The following ELP4 variants were observed in gnomAD, a reference collection of about 807,000 sequenced individuals.
ELP4 encodes elongator complex protein 4.
In ELP4, 51 loss-of-function variants were observed where a neutral mutation model predicts 48.9. The observed-to-expected ratio is 1.04, with a 90% CI of 0.83 to 1.32. The LOEUF is 1.32. Among genes scored for constraint, ELP4 ranks in the 40% most tolerant of loss-of-function variants. The probability of loss-of-function intolerance (pLI) is 0.00; values close to 1 mark genes in which losing one functional copy is unlikely to be tolerated. For synonymous variants in ELP4, 210 were observed against 189.2 expected (o/e 1.11, Z -0.90); for missense variants, 519 against 514.6 (o/e 1.01, Z -0.08).
rs982043954 is a variant in ELP4, at chr11:31,676,044, C to T, written c.1143+25823C>T. The stretch of plus-strand genomic sequence containing the variant: ...AACTCTGTGTTGATTCTTCATCTCA[C>T]TCAGAAGTCCTTAAGTGACCACCAA... On this transcript the variant is annotated intron_variant, in intron 9 of 9. Transcript: ENST00000640961. Among the ~76,000 whole-genome samples, 6 of 152,014 alleles carry T rather than the reference C, an allele frequency of 3.9e-5. 1 individual carries two copies. Among genetic ancestry groups the T allele is most frequent in the Admixed American group, 3.3e-4 (5 of 15,266 alleles).
intron 9 of ELP4, among the ~76,000 whole-genome samples, chr11:31,782,220 A>G (rs1425876165): frequency 6.6e-6 from 1 of 152,270 alleles, no homozygotes; most frequent in East Asian, 1.9e-4. Context: ...CATGACAATA[A>G]AAAGCCTTTA....
At chr11:31,742,128 C>G (rs1339120014) in intron 9 of ELP4, among the ~76,000 whole-genome samples, 1 of 152,070 alleles carries the variant, frequency 6.6e-6, no homozygotes, top group Non-Finnish European at 1.5e-5. Flanking sequence ...ATGCGATTAA[C>G]TGGAAGAAAG....
At chr11:31,629,264 A>G (rs1944810017) in intron 6 of ELP4, among the ~76,000 whole-genome samples, 3 of 152,038 alleles carry the variant, frequency 2.0e-5, no homozygotes, top group Admixed American at 2.0e-4. Flanking sequence ...TTCTCGTAGG[A>G]ATAAAACTAT....
chr11:31,550,743 G>A (rs1361412744), intron 3 of ELP4, among the ~76,000 whole-genome samples: 3 of 152,172 alleles, frequency 2.0e-5, no homozygotes, highest in Non-Finnish European at 4.4e-5. Flanking sequence ...ATGCCTCACT[G>A]ATGAAGATTT....
Position 31,729,302 on chromosome 11 carries a change from G to T in ELP4, c.1144-54091G>T, listed in dbSNP as rs113732244. Among the ~76,000 whole-genome samples the T allele has an allele frequency of 1.2e-3, 176 of 152,210 alleles. 1 individual carries two copies. The highest frequency in any genetic ancestry group is 0.01 in the Middle Eastern group (3 of 294). On this transcript the variant is annotated intron_variant, in intron 9 of 9. Transcript: ENST00000640961. ...AAGCTCTATGGTCTCTGAACAGATT[G>T]TTTCCGCAATTAGTATCTATGTACT...
chr11:31,685,988 C>T (rs972894930), intron 9 of ELP4, among the ~76,000 whole-genome samples: 2 of 151,264 alleles, frequency 1.3e-5, no homozygotes, highest in African/African-American at 2.4e-5. Flanking sequence ...CACATTAATA[C>T]GTTTATGTAT....
At chr11:31,772,946 C>T (rs75269851) in intron 9 of ELP4, among the ~76,000 whole-genome samples, 3,276 of 152,342 alleles carry the variant, frequency 0.022, 113 homozygotes, top group African/African-American at 0.074. Flanking sequence ...CCACTTCTCT[C>T]TGGAAGAAAC....
rs978550252 is a variant in ELP4, at chr11:31,783,528, T to G, written c.*4T>G. 1 of 1,613,290 alleles carries G rather than the reference T, an allele frequency of 6.2e-7. No individual in the cohort carries two copies. Among genetic ancestry groups the G allele is most frequent in the Non-Finnish European group, 8.5e-7 (1 of 1,179,582 alleles). Reference sequence around the variant, plus strand: ...CAAGAAGCACCTGGACTTCTAGGGATTCCTCCTTAGTCGCTGCATGCAGAA... The same window carrying G: ...CAAGAAGCACCTGGACTTCTAGGGAGTCCTCCTTAGTCGCTGCATGCAGAA... On this transcript the variant is annotated 3_prime_UTR_variant, in exon 10 of 10. Coordinates refer to ENST00000640961, the MANE Select transcript of ELP4 (RefSeq NM_019040.5).
At chr11:31,575,264 A>C (rs1169592910) in intron 3 of ELP4, among the ~76,000 whole-genome samples, 1 of 152,184 alleles carries the variant, frequency 6.6e-6, no homozygotes, top group Non-Finnish European at 1.5e-5. Flanking sequence ...GAAATGAACA[A>C]AGCCTCCAAG....
chr11:31,767,940 G>A (rs962913886), intron 9 of ELP4: 7 of 152,146 alleles, frequency 4.6e-5, no homozygotes, highest in African/African-American at 1.4e-4. Flanking sequence ...TCAAATTGGT[G>A]AGGAGGGAGG....
chr11:31,578,635 C>T (rs938955854), intron 3 of ELP4, among the ~76,000 whole-genome samples: 2 of 152,164 alleles, frequency 1.3e-5, no homozygotes, highest in South Asian at 4.2e-4. Context: ...AATAATACCA[C>T]ACATCTACAG....
chr11:31,736,022 A>G lies in ELP4; in HGVS notation c.1144-47371A>G, dbSNP rs1947308400. On this transcript the variant is annotated intron_variant, in intron 9 of 9. Transcript: ENST00000640961. ...AAAAAGAGCCCGCATTGCCAAGTCA[A>G]TCCTAAGCCAAAATAGCAAAGCTGG... 2.0e-5 allele frequency among the ~76,000 whole-genome samples: 3 copies of G among 152,328 alleles called. No individual in the cohort carries two copies. In the South Asian group the frequency reaches 6.2e-4, roughly 32 times the overall value.
chr11:31,751,149 ATG>A (rs1390066160), intron 9 of ELP4, among the ~76,000 whole-genome samples: 1 of 152,208 alleles, frequency 6.6e-6, no homozygotes, highest in Non-Finnish European at 1.5e-5. Context: ...TCAAATTAAT[ATG>A]TGTGTTTTAA....
At chr11:31,660,663 A>G (rs1945537373) in intron 9 of ELP4, among the ~76,000 whole-genome samples, 1 of 152,072 alleles carries the variant, frequency 6.6e-6, no homozygotes, top group South Asian at 2.1e-4. Context: ...TTTTTTTAAC[A>G]TATGAACCAT....
chr11:31,599,103 TTGAC>T (rs369334623), intron 4 of ELP4: 62 of 152,300 alleles, frequency 4.1e-4, no homozygotes, highest in African/African-American at 1.3e-3. Context: ...GAAAGGGACT[TTGAC>T]TGTTTTGTTT....
At chr11:31,636,921 T>C (rs1405053498) in intron 7 of ELP4, among the ~76,000 whole-genome samples, 2 of 151,994 alleles carry the variant, frequency 1.3e-5, no homozygotes, top group African/African-American at 2.4e-5. Flanking sequence ...TCTTAAACAA[T>C]TTTCCCTTTG....
chr11:31,701,976 A>G lies in ELP4; in HGVS notation c.1143+51755A>G, dbSNP rs1370892011. ...CTGTTAGCCACAGTACGAAGCGAAT[A>G]ATATATTGATGAATTATGTTTCTGA... On this transcript the variant is annotated intron_variant, in intron 9 of 9. Coordinates refer to ENST00000640961, the MANE Select transcript of ELP4 (RefSeq NM_019040.5). 2.0e-5 allele frequency among the ~76,000 whole-genome samples: 3 copies of G among 152,222 alleles called. No homozygotes were observed. In the East Asian group the frequency reaches 5.8e-4, roughly 29 times the overall value.
intron 9 of ELP4, among the ~76,000 whole-genome samples, chr11:31,708,571 G>A (rs1198888194): frequency 1.3e-5 from 2 of 151,918 alleles, no homozygotes; most frequent in East Asian, 1.9e-4. Context: ...TTATCAATGA[G>A]TTCCAATAAA....
At chr11:31,628,436 T>TACACAC (rs55801807) in intron 6 of ELP4, 14,277 of 148,116 alleles carry the variant, frequency 0.096, 928 homozygotes, top group East Asian at 0.33. Flanking sequence ...GCAAAAGGAA[T>TACACAC]ACACACACAC....
Sources: allele counts gnomAD v4.1 joint callset (sites outside exome capture counted in the v4.1 genomes callset), GRCh38; gene constraint gnomAD v4.1.1; transcripts MANE v1.5; gene names NCBI Gene and HGNC (gene_info 2026-07-23, HGNC 2026-07-21).